IFNG: variants seen among roughly 807,000 people sequenced by gnomAD.
IFNG encodes the protein IFN-gamma.
A neutral mutation model predicts 14.4 loss-of-function variants in IFNG; 8 were observed. The ratio of observed to expected loss-of-function variants is 0.56; its 90% CI spans 0.33 to 1.00. The LOEUF is 1.00. Ranked by LOEUF, IFNG falls within the 50% of genes least tolerant of loss-of-function variation. The probability of loss-of-function intolerance (pLI) is 0.03; values close to 1 mark genes in which losing one functional copy is unlikely to be tolerated. For missense variants in IFNG, 132 were observed against 194.9 expected, an observed-to-expected ratio of 0.68 and a Z score of 1.92; for synonymous variants, 73 against 65.4, an observed-to-expected ratio of 1.12 and a Z score of -0.56.
In IFNG at chr12:68,155,166, A is replaced by G; in HGVS notation, c.*187T>C. 2 of 379,142 alleles carry G rather than the reference A, an allele frequency of 5.3e-6. No homozygotes were observed. Among genetic ancestry groups the G allele is most frequent in the Middle Eastern group, 1.5e-3 (2 of 1,358 alleles). The allele number at this position is 379,142 out of a possible 1,614,324, so 23.5% of individuals were successfully genotyped here. On this transcript the variant is annotated 3_prime_UTR_variant, in exon 4 of 4. Transcript: ENST00000229135. ...CAGAAAACAAAGGATTAAGTGAGAC[A>G]GTCACAGGATATAGGAATTATAAAT...
At chr12:68,155,731 T>C (rs1307390837) in intron 3 of IFNG, among the ~76,000 whole-genome samples, 1 of 152,166 alleles carries the variant, frequency 6.6e-6, no homozygotes, top group Non-Finnish European at 1.5e-5. Flanking sequence ...ATTCTTGAAA[T>C]TATATAGTGA....
intron 3 of IFNG, among the ~76,000 whole-genome samples, chr12:68,157,032 A>G (rs990596462): frequency 1.3e-5 from 2 of 152,172 alleles, no homozygotes; most frequent in Non-Finnish European, 2.9e-5. Flanking sequence ...TCTAGAAAAC[A>G]TTTTGAAAAA....
rs1658605386 is a variant in IFNG, at chr12:68,158,100, G to A, written c.184-5C>T. The stretch of plus-strand genomic sequence containing the variant: ...CATTATTTTTCTGTCACTCTCCTTG[G>A]AAGGAAAGAGCACAAACAGAGGATG... On this transcript the variant is annotated splice_region_variant and splice_polypyrimidine_tract_variant and intron_variant, in intron 2 of 3. Coordinates refer to ENST00000229135, the MANE Select transcript of IFNG (RefSeq NM_000619.3). The A allele has an allele frequency of 6.3e-7, 1 of 1,596,912 alleles. No homozygotes were observed. Among genetic ancestry groups the A allele is most frequent in the Non-Finnish European group, 8.5e-7 (1 of 1,170,264 alleles).
chr12:68,159,166 C>A (rs1028133699), intron 1 of IFNG, among the ~76,000 whole-genome samples: 2 of 152,074 alleles, frequency 1.3e-5, no homozygotes, highest in South Asian at 2.1e-4. Flanking sequence ...AAACTAATAA[C>A]CAATCATTTT....
At chr12:68,159,433 G>A (rs969081056) in intron 1 of IFNG, 69 bp downstream of exon 1, 1 of 727,502 alleles carries the variant, frequency 1.4e-6, no homozygotes, top group Non-Finnish European at 2.4e-6. Flanking sequence ...GCCTATCAGA[G>A]ATGCTACAGC....
At chr12:68,158,311 T>A in intron 1 of IFNG, 52 bp from the exon 2 acceptor site, 1 of 1,241,450 alleles carries the variant, frequency 8.1e-7, no homozygotes, top group South Asian at 1.3e-5. Flanking sequence ...TAAATTGCCT[T>A]AAAAATATAT....
chr12:68,158,009 T>C lies in IFNG; in HGVS notation c.270A>G (p.Gln90=), dbSNP rs1882627654. 1 of 1,611,574 alleles carries C rather than the reference T, an allele frequency of 6.2e-7. No homozygotes were observed. Among genetic ancestry groups the C allele is most frequent in the South Asian group, 1.1e-5 (1 of 90,544 alleles). ...CTTCCTTGATGGTCTCCACACTCTT[T>C]TGGATGCTCTGGTCATCTTTAAAGT... ...FKNFKDDQSI[Q]KSVETIKEDM... The change falls in exon 3 of 4, where the codon CAA becomes CAG. Residue 90 remains glutamine (Q), a synonymous_variant. Coordinates refer to ENST00000229135, the MANE Select transcript of IFNG (RefSeq NM_000619.3).
In IFNG at chr12:68,155,507, C is replaced by A; in HGVS notation, c.367-20G>T. 1.3e-6 allele frequency: 2 copies of A among 1,577,948 alleles called. No homozygotes were observed. The highest frequency in any genetic ancestry group is 1.2e-5 in the South Asian group (1 of 85,204). On this transcript the variant is annotated intron_variant, in intron 3 of 3. Coordinates refer to ENST00000229135, the MANE Select transcript of IFNG (RefSeq NM_000619.3). ...AGTTACCTATCGGGAAAGAAAAGAG[C>A]AAAATTAATTTCAGGCATATAAGCC...
At chr12:68,157,765 C>A in intron 3 of IFNG, 148 bp downstream of exon 3, 1 of 579,750 alleles carries the variant, frequency 1.7e-6, no homozygotes, top group Non-Finnish European at 3.0e-6. Flanking sequence ...CACCCAAACA[C>A]GAATGGAAAT....
chr12:68,158,124 T>C (rs1300983738), intron 2 of IFNG, 29 bp from the exon 3 acceptor site: 1 of 1,595,998 alleles, frequency 6.3e-7, no homozygotes, highest in Non-Finnish European at 8.5e-7. Flanking sequence ...AAACAGAGGA[T>C]GATGTGAATT....
intron 3 of IFNG, among the ~76,000 whole-genome samples, chr12:68,156,801 A>T (rs2069717): frequency 0.012 from 1,759 of 152,220 alleles, 36 homozygotes; most frequent in African/African-American, 0.04. Context: ...GATTAGAAAC[A>T]AGTGCTGAGT....
At chr12:68,158,714 AGTGTGT>A (rs34079299) in intron 1 of IFNG, among the ~76,000 whole-genome samples, 24 of 148,798 alleles carry the variant, frequency 1.6e-4, no homozygotes, top group South Asian at 6.4e-4. Flanking sequence ...AACATGTGCG[AGTGTGT>A]GTGTGTGTGT....
At chr12:68,159,166 C>G (rs1028133699) in intron 1 of IFNG, among the ~76,000 whole-genome samples, 1 of 152,074 alleles carries the variant, frequency 6.6e-6, no homozygotes. Context: ...AAACTAATAA[C>G]CAATCATTTT....
At chr12:68,159,031 T>G (rs998747069) in intron 1 of IFNG, among the ~76,000 whole-genome samples, 1 of 152,204 alleles carries the variant, frequency 6.6e-6, no homozygotes, top group East Asian at 1.9e-4. Context: ...AATCACTTTT[T>G]GGAGAAAATC....
intron 3 of IFNG, among the ~76,000 whole-genome samples, 198 bp from the exon 4 acceptor site, chr12:68,155,685 G>A (rs1323455291): frequency 6.6e-6 from 1 of 152,146 alleles, no homozygotes; most frequent in Non-Finnish European, 1.5e-5. Context: ...TAATGTGGTG[G>A]AGTCCATCAC....
chr12:68,159,698 C>A lies in IFNG; in HGVS notation c.-83G>T. The A allele has an allele frequency of 1.5e-6, 1 of 649,874 alleles. No homozygotes were observed. The highest frequency in any genetic ancestry group is 2.5e-5 in the Admixed American group (1 of 40,514). The allele number at this position is 649,874 out of a possible 1,614,324, so 40.3% of individuals were successfully genotyped here. A position where few individuals can be genotyped will look rare whatever the true frequency, so the allele number is the denominator to read the frequency against. Reference sequence around the variant, plus strand: ...ATCAGGTCCAAAGGACTTAACTGATCTTTCTCTTCTAATAGCTGATCTTCA... The same window carrying A: ...ATCAGGTCCAAAGGACTTAACTGATATTTCTCTTCTAATAGCTGATCTTCA... On this transcript the variant is annotated 5_prime_UTR_variant, in exon 1 of 4. Coordinates refer to ENST00000229135, the MANE Select transcript of IFNG (RefSeq NM_000619.3).
chr12:68,158,167 G>C (rs1882630000), intron 2 of IFNG, 24 bp downstream of exon 2: 1 of 1,599,332 alleles, frequency 6.3e-7, no homozygotes, highest in Non-Finnish European at 8.5e-7. Context: ...AGGAAAATTA[G>C]CCAAATGGGA....
Position 68,155,477 on chromosome 12 carries a change from A to G in IFNG, c.377T>C (p.Leu126Ser). Residue 126 changes from leucine to serine, a missense_variant, in exon 4 of 4, where the codon TTG becomes TCG. Leu to Ser is a moderately radical substitution (Grantham distance 145, BLOSUM62 -2). Coordinates refer to ENST00000229135, the MANE Select transcript of IFNG (RefSeq NM_000619.3). ...ATGTATTGCTTTGCGTTGGACATTC[A>G]AGTCAGTTACCTATCGGGAAAGAAA... Reference protein sequence around the residue: ...EKLTNYSVTDLNVQRKAIHEL... With the variant: ...EKLTNYSVTDSNVQRKAIHEL... The G allele has an allele frequency of 6.2e-7, 1 of 1,605,626 alleles. No homozygotes were observed. Among genetic ancestry groups the G allele is most frequent in the Non-Finnish European group, 8.5e-7 (1 of 1,176,042 alleles).
At chr12:68,158,979 G>A (rs1882645610) in intron 1 of IFNG, among the ~76,000 whole-genome samples, 1 of 152,060 alleles carries the variant, frequency 6.6e-6, no homozygotes, top group Non-Finnish European at 1.5e-5. Flanking sequence ...CGAAGTTCCG[G>A]AATACTTCAC....
Sources: gnomAD v4.1 joint callset for allele counts (sites outside exome capture counted in the v4.1 genomes callset) on GRCh38, gnomAD v4.1.1 for gene constraint, MANE v1.5 for transcripts, NCBI Gene and HGNC (gene_info 2026-07-23, HGNC 2026-07-21) for gene names.